Variants in UNC13B observed in about 807,000 individuals in gnomAD.
UNC13B encodes the protein unc-13 homolog B, also known as protein unc-13 homolog B.
UNC13B carries 144 observed loss-of-function variants against 211.0 expected under a neutral mutation model. That is an observed-to-expected ratio of 0.68 (90% CI 0.60 to 0.78). The LOEUF is 0.78. UNC13B is among the 30% of genes least tolerant of loss of function. The probability of loss-of-function intolerance (pLI) is 0.00; values close to 1 mark genes in which losing one functional copy is unlikely to be tolerated. For synonymous variants in UNC13B, 709 were observed against 725.8 expected (o/e 0.98, Z 0.37); for missense variants, 1,777 against 2,002.0 (o/e 0.89, Z 2.14).
intron 7 of UNC13B, among the ~76,000 whole-genome samples, chr9:35,285,396 A>T (rs1345251415): frequency 6.6e-6 from 1 of 152,208 alleles, no homozygotes; most frequent in East Asian, 1.9e-4. Context: ...TAAAATTTAC[A>T]TTCTAAACAA....
At chr9:35,170,681 A>T (rs1217427107) in intron 1 of UNC13B, among the ~76,000 whole-genome samples, 2 of 152,198 alleles carry the variant, frequency 1.3e-5, no homozygotes, top group Non-Finnish European at 2.9e-5. Flanking sequence ...TATGTTGCCC[A>T]GGCTGGTCTT....
Position 35,307,022 on chromosome 9 carries a change from A to G in UNC13B, c.7618A>G (p.Arg2540Gly), listed in dbSNP as rs968327005. 2.5e-6 allele frequency: 1 copy of G among 399,094 alleles called. No homozygotes were observed. The highest frequency in any genetic ancestry group is 4.4e-6 in the Non-Finnish European group (1 of 226,082). 24.7% of individuals were successfully genotyped at this position (399,094 alleles called of 1,614,324 possible). ...ATSWLQNGCS[R>G]DAVGSVPPER... ...TTCATGGCTTCAAAATGGTTGTTCC[A>G]GAGATGCTGTAGGATCAGTACCTCC... is the stretch of plus-strand genomic sequence containing the variant. Residue 2540 changes from arginine (R) to glycine (G), a missense_variant, in exon 9 of 40, where the codon AGA (arginine) becomes GGA (glycine). Coordinates refer to ENST00000635942, the MANE Select transcript of UNC13B (RefSeq NM_001371189.2).
chr9:35,391,056 A>G (rs1463543335), intron 26 of UNC13B, among the ~76,000 whole-genome samples: 2 of 152,200 alleles, frequency 1.3e-5, no homozygotes, highest in African/African-American at 4.8e-5. Context: ...CTTCAGTTTT[A>G]AAGAATCAGA....
At chr9:35,382,753 G>T (rs1719293332) in intron 21 of UNC13B, among the ~76,000 whole-genome samples, 1 of 151,924 alleles carries the variant, frequency 6.6e-6, no homozygotes, top group Non-Finnish European at 1.5e-5. Flanking sequence ...AGTAGAGATG[G>T]GGGTTTTGCC....
intron 6 of UNC13B, among the ~76,000 whole-genome samples, chr9:35,252,148 T>A (rs1226056639): frequency 6.6e-6 from 1 of 152,210 alleles, no homozygotes; most frequent in Non-Finnish European, 1.5e-5. Flanking sequence ...TCTATTAGTT[T>A]GAAGATTAGG....
At chr9:35,315,324 T>C (rs780008429) in intron 11 of UNC13B, among the ~76,000 whole-genome samples, 4 of 152,180 alleles carry the variant, frequency 2.6e-5, no homozygotes, top group Non-Finnish European at 4.4e-5. Context: ...TGGCAGATAT[T>C]AAAAGCACAA....
At chr9:35,368,904 T>G (rs1218931645) in intron 12 of UNC13B, among the ~76,000 whole-genome samples, 1 of 152,224 alleles carries the variant, frequency 6.6e-6, no homozygotes, top group Non-Finnish European at 1.5e-5. Flanking sequence ...TTCAGTGATC[T>G]TTAGTTTTTT....
chr9:35,260,488 C>T (rs1219508557), intron 7 of UNC13B, among the ~76,000 whole-genome samples: 1 of 152,146 alleles, frequency 6.6e-6, no homozygotes, highest in Non-Finnish European at 1.5e-5. Flanking sequence ...GTGTGAACCA[C>T]TGTGTTATAT....
intron 7 of UNC13B, among the ~76,000 whole-genome samples, chr9:35,274,852 A>C (rs911719655): frequency 1.3e-5 from 2 of 152,138 alleles, no homozygotes; most frequent in African/African-American, 4.8e-5. Flanking sequence ...GTGCTCCCCC[A>C]TAAAAGAGAT....
At chr9:35,322,580 G>A (rs1366727593) in intron 11 of UNC13B, among the ~76,000 whole-genome samples, 1 of 152,072 alleles carries the variant, frequency 6.6e-6, no homozygotes, top group Admixed American at 6.6e-5. Context: ...ATTTTCTTAG[G>A]GGCGATCATT....
At chr9:35,319,402 C>CAAAAA (rs74176715) in intron 11 of UNC13B, among the ~76,000 whole-genome samples, 2 of 56,186 alleles carry the variant, frequency 3.6e-5, no homozygotes, top group Non-Finnish European at 3.0e-5. Context: ...GACCCTATCT[C>CAAAAA]AAAAAAAAAA....
intron 7 of UNC13B, among the ~76,000 whole-genome samples, chr9:35,266,759 T>C (rs758906575): frequency 4.6e-5 from 7 of 152,238 alleles, no homozygotes; most frequent in African/African-American, 1.7e-4. Flanking sequence ...TGGTAACTGA[T>C]ATATTTATTT....
At chr9:35,310,840 T>C in intron 10 of UNC13B, 59 bp downstream of exon 10, 14 of 1,493,888 alleles carry the variant, frequency 9.4e-6, no homozygotes, top group Non-Finnish European at 1.2e-5. Context: ...CCCTGTGGTA[T>C]TGCTGAAAAT....
chr9:35,237,475 C>G (rs113743366), intron 4 of UNC13B, among the ~76,000 whole-genome samples: 1 of 152,126 alleles, frequency 6.6e-6, no homozygotes, highest in Non-Finnish European at 1.5e-5. Context: ...ATTCTGTCCT[C>G]GTTAGACCTG....
At chr9:35,258,345 C>T (rs937091016) in intron 6 of UNC13B, among the ~76,000 whole-genome samples, 4 of 152,174 alleles carry the variant, frequency 2.6e-5, no homozygotes, top group South Asian at 4.1e-4. Context: ...CCTTCTAAAT[C>T]GGGCCCATCC....
At chr9:35,358,288 G>A (rs1833164377) in intron 11 of UNC13B, among the ~76,000 whole-genome samples, 1 of 152,098 alleles carries the variant, frequency 6.6e-6, no homozygotes, top group African/African-American at 2.4e-5. Flanking sequence ...TATTTTTTGA[G>A]TCCCTGCTTT....
Position 35,396,531 on chromosome 9 carries a change from G to T in UNC13B, c.11364G>T (p.Lys3788Asn). 6.2e-7 allele frequency: 1 copy of T among 1,614,112 alleles called. No homozygotes were observed. The highest frequency in any genetic ancestry group is 2.2e-5 in the East Asian group (1 of 44,878). Reference sequence around the variant, plus strand: ...CTGACTACATGAACCTGCACTTCAAGGTGAAGTGGCTCCACAATGAATACG... The same window carrying T: ...CTGACTACATGAACCTGCACTTCAATGTGAAGTGGCTCCACAATGAATACG... ...KSADYMNLHF[K>N]VKWLHNEYVR... is the part of the protein sequence containing the mutation. Residue 3788 changes from lysine (K) to asparagine (N), a missense_variant, in exon 27 of 40, where the codon AAG becomes AAT. Transcript: ENST00000635942.
In UNC13B at chr9:35,216,452, C is replaced by T. The variant is rs552410210; in HGVS notation, c.23-11563C>T. ...TTGATTGTTTATTTGCCTCATATAA[C>T]GTAAGTGTTGGATCAACTGGCAACT... On this transcript the variant is annotated intron_variant, in intron 1 of 39. Transcript: ENST00000635942. Among the ~76,000 whole-genome samples, 3 of 152,238 alleles carry T rather than the reference C, an allele frequency of 2.0e-5. No individual in the cohort carries two copies. The South Asian group carries it at 6.2e-4, about 32-fold the overall frequency.
At chr9:35,332,790 TC>T (rs1831447432) in intron 11 of UNC13B, among the ~76,000 whole-genome samples, 1 of 152,246 alleles carries the variant, frequency 6.6e-6, no homozygotes, top group Admixed American at 6.5e-5. Flanking sequence ...TAGAGTCTCA[TC>T]TTTTATCTTT....
Sources: allele counts gnomAD v4.1 joint callset (sites outside exome capture counted in the v4.1 genomes callset), GRCh38; gene constraint gnomAD v4.1.1; transcripts MANE v1.5; gene names NCBI Gene and HGNC (gene_info 2026-07-23, HGNC 2026-07-21).